TEAD1: variants seen among roughly 807,000 people sequenced by gnomAD.
The protein encoded by TEAD1 is TEA domain transcription factor 1.
A neutral mutation model predicts 54.9 loss-of-function variants in TEAD1; 9 were observed. That is an observed-to-expected ratio of 0.16 (90% confidence interval 0.10 to 0.29). TEAD1 has a LOEUF of 0.29. Among genes scored for constraint, TEAD1 ranks in the 10% least tolerant of loss-of-function variants. The pLI is 1.00. For synonymous variants in TEAD1, 200 were observed against 187.8 expected, an observed-to-expected ratio of 1.07 and a Z score of -0.53; for missense variants, 387 against 535.9, an observed-to-expected ratio of 0.72 and a Z score of 2.74.
chr11:12,758,661 G>A (rs111631536), intron 2 of TEAD1, among the ~76,000 whole-genome samples: 2,541 of 152,010 alleles, frequency 0.017, 28 homozygotes, highest in Non-Finnish European at 0.027. Flanking sequence ...TGATCTGCCC[G>A]CCTCGGCCTC....
chr11:12,687,418 A>G (rs1256731062), intron 2 of TEAD1, among the ~76,000 whole-genome samples: 1 of 152,172 alleles, frequency 6.6e-6, no homozygotes, highest in Admixed American at 6.6e-5. Flanking sequence ...ATAAGAGTTG[A>G]GTTGCAATTG....
chr11:12,713,215 T>A (rs1467331314), intron 2 of TEAD1, among the ~76,000 whole-genome samples: 1 of 152,064 alleles, frequency 6.6e-6, no homozygotes, highest in Non-Finnish European at 1.5e-5. Flanking sequence ...AGATGAGGTC[T>A]TGTCATGTTG....
intron 5 of TEAD1, among the ~76,000 whole-genome samples, chr11:12,872,069 T>C (rs1365087441): frequency 2.0e-5 from 3 of 152,244 alleles, no homozygotes; most frequent in African/African-American, 7.2e-5. Flanking sequence ...TCCAAACTGC[T>C]GTTCCTTCCA....
At chr11:12,911,871 A>G (rs1018801416) in intron 10 of TEAD1, among the ~76,000 whole-genome samples, 1 of 152,060 alleles carries the variant, frequency 6.6e-6, no homozygotes, top group Non-Finnish European at 1.5e-5. Context: ...CTGGATGCCA[A>G]ACTTCTTTGT....
intron 5 of TEAD1, among the ~76,000 whole-genome samples, chr11:12,870,476 GAAAAAA>G (rs1167123548): frequency 7.2e-6 from 1 of 138,702 alleles, no homozygotes; most frequent in Admixed American, 7.2e-5. Flanking sequence ...ATGGAAAAAA[GAAAAAA>G]AAAAAGGCAT....
At chr11:12,735,739 A>G (rs1240772305) in intron 2 of TEAD1, among the ~76,000 whole-genome samples, 1 of 151,966 alleles carries the variant, frequency 6.6e-6, no homozygotes, top group Non-Finnish European at 1.5e-5. Flanking sequence ...TTTCTATCAC[A>G]ACAGTTACTG....
At chr11:12,904,076 T>C (rs1948471318) in intron 10 of TEAD1, among the ~76,000 whole-genome samples, 1 of 152,190 alleles carries the variant, frequency 6.6e-6, no homozygotes, top group Non-Finnish European at 1.5e-5. Flanking sequence ...ATTTTTGTTA[T>C]AATACAAAGA....
intron 10 of TEAD1, among the ~76,000 whole-genome samples, chr11:12,914,092 A>C (rs1286494776): frequency 7.9e-5 from 12 of 152,220 alleles, no homozygotes; most frequent in Admixed American, 7.9e-4. Flanking sequence ...AGTTGCCACT[A>C]GTGGTCACCT....
chr11:12,735,698 C>T (rs1282076620), intron 2 of TEAD1, among the ~76,000 whole-genome samples: 1 of 152,084 alleles, frequency 6.6e-6, no homozygotes, highest in African/African-American at 2.4e-5. Flanking sequence ...CCCACCACCA[C>T]TCTGCTCCCC....
intron 3 of TEAD1, among the ~76,000 whole-genome samples, chr11:12,827,910 C>G (rs905413984): frequency 1.3e-5 from 2 of 152,176 alleles, no homozygotes; most frequent in Non-Finnish European, 2.9e-5. Flanking sequence ...TTTGTCACAG[C>G]CCCTCCACCT....
At chr11:12,908,885 T>TTTTTTTGTTTG (rs1554948605) in intron 10 of TEAD1, among the ~76,000 whole-genome samples, 1 of 145,422 alleles carries the variant, frequency 6.9e-6, no homozygotes, top group African/African-American at 2.5e-5. Context: ...AATTATCTGT[T>TTTTTTTGTTTG]TTTTTTTTTT....
In TEAD1 at chr11:12,843,478, C is replaced by T. The variant is rs547280115; in HGVS notation, c.203-18772C>T. On this transcript the variant is annotated intron_variant, in intron 3 of 12. Coordinates refer to ENST00000527636, the MANE Select transcript of TEAD1 (RefSeq NM_021961.6). ...AGCTACGAAGTAAGTAATTACAATG[C>T]GGGAAATGAAATTCAATATAGCTTT... Among the ~76,000 whole-genome samples, 7 of 152,182 alleles carry T rather than the reference C, an allele frequency of 4.6e-5. No individual in the cohort carries two copies. In the South Asian group the frequency reaches 1.2e-3, roughly 27 times the overall value.
At chr11:12,765,159 A>G (rs1018223667) in intron 3 of TEAD1, among the ~76,000 whole-genome samples, 2 of 151,978 alleles carry the variant, frequency 1.3e-5, no homozygotes, top group Admixed American at 6.5e-5. Flanking sequence ...CCTGTTAACT[A>G]TTTGGCTCTG....
At chr11:12,767,852 A>AT (rs922041485) in intron 3 of TEAD1, among the ~76,000 whole-genome samples, 3 of 151,988 alleles carry the variant, frequency 2.0e-5, no homozygotes, top group African/African-American at 7.3e-5. Context: ...TGTCTTTTTC[A>AT]TTTTTTGTTT....
intron 3 of TEAD1, among the ~76,000 whole-genome samples, chr11:12,827,073 A>C (rs1946672620): frequency 6.6e-6 from 1 of 152,072 alleles, no homozygotes; most frequent in Admixed American, 6.6e-5. Context: ...TTCTGTTGTT[A>C]TTGTTTTTAG....
chr11:12,879,926 C>T (rs1222193604), intron 6 of TEAD1, 84 bp downstream of exon 6: 30 of 1,595,482 alleles, frequency 1.9e-5, no homozygotes, highest in Non-Finnish European at 2.3e-5. Context: ...ACCTCCATTT[C>T]TTGTCATGTG....
At chr11:12,756,796 C>T (rs1029336840) in intron 2 of TEAD1, among the ~76,000 whole-genome samples, 19 of 152,194 alleles carry the variant, frequency 1.2e-4, no homozygotes, top group African/African-American at 3.9e-4. Flanking sequence ...CTGAACCTCA[C>T]AAGGTGGGGA....
intron 2 of TEAD1, among the ~76,000 whole-genome samples, chr11:12,696,926 G>C (rs1386849757): frequency 3.9e-5 from 6 of 152,134 alleles, no homozygotes; most frequent in Non-Finnish European, 7.4e-5. Flanking sequence ...GGAACAAGAA[G>C]GGCTACCCAC....
chr11:12,762,097 T>TA (rs766839766), intron 2 of TEAD1, among the ~76,000 whole-genome samples: 1 of 152,186 alleles, frequency 6.6e-6, no homozygotes, highest in Non-Finnish European at 1.5e-5. Context: ...GCACTGGGCA[T>TA]AACTACTATT....
Sources: gnomAD v4.1 joint callset for allele counts (sites outside exome capture counted in the v4.1 genomes callset) on GRCh38, gnomAD v4.1.1 for gene constraint, MANE v1.5 for transcripts, NCBI Gene and HGNC (gene_info 2026-07-23, HGNC 2026-07-21) for gene names.